The following KHDRBS2 variants were observed in gnomAD, a reference collection of about 807,000 sequenced individuals.
KHDRBS2 encodes KH domain-containing, RNA-binding, signal transduction-associated protein 2.
Under a neutral mutation model 44.3 loss-of-function variants are expected in KHDRBS2, and 26 were observed. The observed-to-expected ratio is 0.59, with a 90% CI of 0.43 to 0.81. The LOEUF (loss-of-function observed/expected upper bound fraction) is 0.81, where lower values mean the gene tolerates loss of function less well. Among genes scored for constraint, KHDRBS2 ranks in the 40% least tolerant of loss-of-function variants. The pLI, the probability that KHDRBS2 is intolerant of heterozygous loss-of-function variation, is 0.00. For missense variants in KHDRBS2, 476 were observed against 433.1 expected (o/e 1.10, Z -0.88); for synonymous variants, 194 against 151.1 (o/e 1.28, Z -2.08).
intron 2 of KHDRBS2, among the ~76,000 whole-genome samples, chr6:62,120,805 T>C: frequency 6.6e-6 from 1 of 152,228 alleles, no homozygotes; most frequent in South Asian, 2.1e-4. Flanking sequence ...ACCCCTTGAA[T>C]AAAGGGGAGG....
chr6:61,926,320 T>TA (rs1444693967), intron 4 of KHDRBS2, among the ~76,000 whole-genome samples: 4 of 152,118 alleles, frequency 2.6e-5, no homozygotes, highest in African/African-American at 9.7e-5. Context: ...CTTGGAAAGG[T>TA]AGTTTGGAAG....
chr6:62,019,861 G>T (rs368984385), intron 3 of KHDRBS2, among the ~76,000 whole-genome samples: 44 of 150,436 alleles, frequency 2.9e-4, no homozygotes, highest in African/African-American at 9.0e-4. Context: ...TATCAATTTT[G>T]TTGATTTTCT....
the KHDRBS2 span, among the ~76,000 whole-genome samples, chr6:61,599,968 T>A: frequency 6.6e-6 from 1 of 152,172 alleles, no homozygotes; most frequent in Non-Finnish European, 1.5e-5. Flanking sequence ...AAATAAAGAC[T>A]ATTTCTGGAA....
chr6:61,970,443 A>T (rs1390692702), intron 4 of KHDRBS2, among the ~76,000 whole-genome samples: 1 of 152,214 alleles, frequency 6.6e-6, no homozygotes, highest in Non-Finnish European at 1.5e-5. Flanking sequence ...TTCTAAGTAT[A>T]AGGTGAACTA....
chr6:62,183,811 A>C (rs1822860213), intron 1 of KHDRBS2, among the ~76,000 whole-genome samples: 1 of 151,728 alleles, frequency 6.6e-6, no homozygotes, highest in African/African-American at 2.4e-5. Flanking sequence ...ATTTTTGCTC[A>C]TCTATGATCA....
At chr6:61,697,597 C>G (rs1013054706) in intron 7 of KHDRBS2, among the ~76,000 whole-genome samples, 1 of 152,080 alleles carries the variant, frequency 6.6e-6, no homozygotes, top group African/African-American at 2.4e-5. Context: ...ACAATCTGGT[C>G]AATCATGTAT....
chr6:61,749,895 AAAAGACTGTTATTTT>A (rs1256982436), intron 6 of KHDRBS2, among the ~76,000 whole-genome samples: 1 of 152,216 alleles, frequency 6.6e-6, no homozygotes, highest in Non-Finnish European at 1.5e-5. Context: ...TTTGATGATT[AAAAGACTGTTATTTT>A]AAAGAAGAAT....
chr6:61,681,211 A>G, intron 8 of KHDRBS2, 151 bp from the exon 9 acceptor site: 1 of 611,168 alleles, frequency 1.6e-6, no homozygotes. Flanking sequence ...GAGACCATCA[A>G]AAAAGTGTGT....
intron 2 of KHDRBS2, among the ~76,000 whole-genome samples, chr6:62,133,109 CA>C (rs1810710488): frequency 6.6e-6 from 1 of 151,710 alleles, no homozygotes; most frequent in Non-Finnish European, 1.5e-5. Context: ...ATTAAAAAGA[CA>C]AGAGATAACA....
intron 3 of KHDRBS2, among the ~76,000 whole-genome samples, 160 bp downstream of exon 3, chr6:62,047,718 G>A (rs1182112191): frequency 1.3e-5 from 2 of 151,790 alleles, no homozygotes; most frequent in Non-Finnish European, 2.9e-5. Context: ...TTGATTTTTA[G>A]GAAGAGAGAG....
chr6:61,796,149 C>A (rs931522389), intron 6 of KHDRBS2, among the ~76,000 whole-genome samples: 1 of 151,872 alleles, frequency 6.6e-6, no homozygotes, highest in African/African-American at 2.4e-5. Context: ...AATAACTAGT[C>A]TTTTGTAGTT....
chr6:62,266,407 T>C (rs1033984288), intron 1 of KHDRBS2, among the ~76,000 whole-genome samples: 20 of 152,124 alleles, frequency 1.3e-4, no homozygotes, highest in African/African-American at 4.1e-4. Context: ...CTGCTCTCAA[T>C]CTAAGGCTGA....
At chr6:61,627,713 T>C in the KHDRBS2 span, among the ~76,000 whole-genome samples, 1 of 152,212 alleles carries the variant, frequency 6.6e-6, no homozygotes, top group Non-Finnish European at 1.5e-5. Context: ...TCTGGGGACA[T>C]GGATGATTCA....
the KHDRBS2 span, among the ~76,000 whole-genome samples, chr6:61,599,724 C>A: frequency 2.6e-5 from 4 of 152,160 alleles, no homozygotes; most frequent in African/African-American, 7.2e-5. Flanking sequence ...CTTATAAAGA[C>A]AAACTCCTGT....
At chr6:61,658,475 C>A in the KHDRBS2 span, among the ~76,000 whole-genome samples, 2 of 151,730 alleles carry the variant, frequency 1.3e-5, no homozygotes, top group African/African-American at 4.8e-5. Flanking sequence ...TTTTTATATC[C>A]CAGCCAAAAT....
At chr6:61,782,433 T>C (rs796577672) in intron 6 of KHDRBS2, among the ~76,000 whole-genome samples, 16 of 151,996 alleles carry the variant, frequency 1.1e-4, no homozygotes, top group African/African-American at 3.9e-4. Flanking sequence ...CTTAGTTTAT[T>C]TTTGCAGTTC....
chr6:62,242,744 C>A (rs1834896426), intron 1 of KHDRBS2, among the ~76,000 whole-genome samples: 1 of 152,102 alleles, frequency 6.6e-6, no homozygotes, highest in African/African-American at 2.4e-5. Context: ...AAATTACATC[C>A]TTACAAGTGG....
intron 6 of KHDRBS2, among the ~76,000 whole-genome samples, chr6:61,753,898 A>G (rs1442450065): frequency 1.3e-5 from 2 of 152,138 alleles, no homozygotes; most frequent in Non-Finnish European, 2.9e-5. Context: ...GAAGTGTCTT[A>G]TAAGAGGGAA....
chr6:61,910,537 A>G (rs1301550021), intron 4 of KHDRBS2, among the ~76,000 whole-genome samples: 1 of 152,158 alleles, frequency 6.6e-6, no homozygotes, highest in Admixed American at 6.5e-5. Context: ...CACATTGCCC[A>G]TTACTCATCA....
Sources: gnomAD v4.1 joint callset for allele counts (sites outside exome capture counted in the v4.1 genomes callset) on GRCh38, gnomAD v4.1.1 for gene constraint, MANE v1.5 for transcripts, NCBI Gene and HGNC (gene_info 2026-07-23, HGNC 2026-07-21) for gene names.